Variants in HDGF observed in about 807,000 individuals in gnomAD.
The protein encoded by HDGF is hepatoma-derived growth factor.
HDGF carries 5 observed loss-of-function variants against 30.0 expected under a neutral mutation model. The observed-to-expected ratio is 0.17, with a 90% CI of 0.09 to 0.35. HDGF has a LOEUF of 0.35. HDGF is among the 10% of genes least tolerant of loss of function. The probability of loss-of-function intolerance (pLI) is 1.00; values close to 1 mark genes in which losing one functional copy is unlikely to be tolerated. For synonymous variants in HDGF, 133 were observed against 112.7 expected, an observed-to-expected ratio of 1.18 and a Z score of -1.14; for missense variants, 214 against 302.8, an observed-to-expected ratio of 0.71 and a Z score of 2.18.
upstream of HDGF, among the ~76,000 whole-genome samples, chr1:156,757,188 G>A (rs894661383): frequency 1.1e-4 from 16 of 152,058 alleles, no homozygotes; most frequent in African/African-American, 3.4e-4. Context: ...AATTAAGGCC[G>A]GATGTGGTGG....
chr1:156,757,349 C>G (rs1350356680), upstream of HDGF, among the ~76,000 whole-genome samples: 1 of 151,670 alleles, frequency 6.6e-6, no homozygotes, highest in Non-Finnish European at 1.5e-5. Flanking sequence ...GCCTGTAATC[C>G]TAGCTACTCG....
At chr1:156,764,351 C>T (rs1237561774) in intron 1 of HDGF, among the ~76,000 whole-genome samples, 1 of 152,110 alleles carries the variant, frequency 6.6e-6, no homozygotes, top group African/African-American at 2.4e-5. Context: ...GCCTCAGCCT[C>T]CTGAGTAGCT....
At chr1:156,752,488 A>C (rs533190445), upstream of HDGF, 8 of 849,496 alleles carry the variant, frequency 9.4e-6, no homozygotes, top group Admixed American at 6.8e-5. Context: ...CAACCCCTTC[A>C]GTAAACTGTG....
chr1:156,752,226 T>A (rs1272421897), upstream of HDGF: 9 of 1,551,684 alleles, frequency 5.8e-6, no homozygotes, highest in East Asian at 2.2e-4. Flanking sequence ...TCGCCGTGCT[T>A]ACCGTATGGG....
Position 156,743,036 on chromosome 1 carries a change from T to A in HDGF, c.*413A>T. The A allele has an allele frequency of 6.1e-6, 1 of 163,810 alleles. No homozygotes were observed. The allele number at this position is 163,810 out of a possible 1,614,324, so 10.1% of individuals were successfully genotyped here. On this transcript the variant is annotated 3_prime_UTR_variant, in exon 6 of 6. Transcript: ENST00000357325. ...CCCAGGCCCCACAAGCCCACCCTGC[T>A]GTTGATGCTCCATCCTTTCCATTCC...
chr1:156,757,780 C>G (rs552756171), intron 2 of HDGF, among the ~76,000 whole-genome samples: 4 of 144,214 alleles, frequency 2.8e-5, no homozygotes, highest in Admixed American at 2.8e-4. Flanking sequence ...GAGCAAGACT[C>G]TGTCTCAAAA....
chr1:156,751,089 G>A lies in HDGF; in HGVS notation c.87+254C>T. Among the ~76,000 whole-genome samples, 1 of 151,810 alleles carries A rather than the reference G, an allele frequency of 6.6e-6. No individual in the cohort carries two copies. The highest frequency in any genetic ancestry group is 1.9e-4 in the East Asian group (1 of 5,130). On this transcript the variant is annotated intron_variant, in intron 1 of 5. Coordinates refer to ENST00000357325, the MANE Select transcript of HDGF (RefSeq NM_004494.3). The surrounding 1 kb of genome is among the most constrained non-coding windows in gnomAD (Gnocchi z 4.7). ...AGCTGGGGGCCGGGAAGTGACCGGC[G>A]CCCTCGGATCCCCACGCCGTGAACA...
At chr1:156,763,236 T>A (rs1172933591) in intron 1 of HDGF, among the ~76,000 whole-genome samples, 2 of 152,016 alleles carry the variant, frequency 1.3e-5, no homozygotes, top group African/African-American at 2.4e-5. Context: ...TTGTTTGAGA[T>A]GGAGTCTCTC....
At chr1:156,759,474 CCATT>C (rs1558039939) in intron 1 of HDGF, among the ~76,000 whole-genome samples, 3 of 148,972 alleles carry the variant, frequency 2.0e-5, no homozygotes, top group South Asian at 2.2e-4. Flanking sequence ...ATCTCATACC[CCATT>C]CTTTTTTTTT....
At chr1:156,763,849 A>T (rs1463507612) in intron 1 of HDGF, among the ~76,000 whole-genome samples, 1 of 151,932 alleles carries the variant, frequency 6.6e-6, no homozygotes, top group Non-Finnish European at 1.5e-5. Flanking sequence ...TGGCCTCCCA[A>T]AGTGTTAGGA....
intron 1 of HDGF, among the ~76,000 whole-genome samples, chr1:156,747,649 G>A (rs1166323878): frequency 6.6e-6 from 1 of 152,048 alleles, no homozygotes; most frequent in Non-Finnish European, 1.5e-5. Flanking sequence ...CAGGGGTGGG[G>A]GTGGGGACTG....
intron 1 of HDGF, among the ~76,000 whole-genome samples, chr1:156,747,867 G>C (rs1256866771): frequency 6.6e-6 from 1 of 152,064 alleles, no homozygotes; most frequent in Non-Finnish European, 1.5e-5. Context: ...CCACCGTCTC[G>C]TGCCACCCCA....
chr1:156,752,984 C>G (rs1365244811), upstream of HDGF, among the ~76,000 whole-genome samples: 1 of 152,218 alleles, frequency 6.6e-6, no homozygotes, highest in Non-Finnish European at 1.5e-5. Flanking sequence ...TGCTGTTCAT[C>G]TGTCCTGAGA....
At chr1:156,748,526 A>T (rs1650748493) in intron 1 of HDGF, among the ~76,000 whole-genome samples, 1 of 152,166 alleles carries the variant, frequency 6.6e-6, no homozygotes. Flanking sequence ...ACCATTCCAG[A>T]TCCAGGCAAG....
chr1:156,760,706 G>A (rs1278190462), intron 1 of HDGF, among the ~76,000 whole-genome samples: 1 of 152,060 alleles, frequency 6.6e-6, no homozygotes, highest in East Asian at 1.9e-4. Flanking sequence ...TGAGTTGTTG[G>A]CTCTTCAGCC....
intron 1 of HDGF, among the ~76,000 whole-genome samples, chr1:156,759,546 T>A (rs576631173): frequency 8.1e-5 from 12 of 148,824 alleles, no homozygotes; most frequent in African/African-American, 2.2e-4. Flanking sequence ...CAGTGGCGCG[T>A]TTTCCGCTCA....
At chr1:156,751,891 C>T (rs990650321), upstream of HDGF, 5 of 956,582 alleles carry the variant, frequency 5.2e-6, no homozygotes, top group African/African-American at 1.8e-5. This position sits in a 1 kb window ranked among gnomAD's most constrained non-coding sequence, Gnocchi z 4.7. Flanking sequence ...CGGCGCGTGG[C>T]GGCACAGGCA....
At chr1:156,759,076 C>A (rs994123113) in exon 2 of HDGF, 6 of 152,154 alleles carry the variant, frequency 3.9e-5, no homozygotes, top group Non-Finnish European at 7.3e-5. Flanking sequence ...CAATGAATGG[C>A]TCCTTGGACC....
intron 1 of HDGF, among the ~76,000 whole-genome samples, chr1:156,762,640 G>A (rs1314825316): frequency 6.6e-6 from 1 of 152,096 alleles, no homozygotes; most frequent in African/African-American, 2.4e-5. Flanking sequence ...GGAGGCTGAG[G>A]TAGTCGGATC....
Sources: allele counts gnomAD v4.1 joint callset (sites outside exome capture counted in the v4.1 genomes callset), GRCh38; gene constraint gnomAD v4.1.1; non-coding constraint Gnocchi (gnomAD v3.1); transcripts MANE v1.5; gene names NCBI Gene and HGNC (gene_info 2026-07-23, HGNC 2026-07-21).